ZNF532: variants seen among roughly 807,000 people sequenced by gnomAD.
The protein encoded by ZNF532 is zinc finger protein 532.
A neutral mutation model predicts 89.3 loss-of-function variants in ZNF532; 22 were observed. The ratio of observed to expected loss-of-function variants is 0.25; its 90% CI spans 0.18 to 0.35. The LOEUF is 0.35. ZNF532 is among the 10% of genes least tolerant of loss of function. ZNF532 has a pLI of 1.00. For synonymous variants in ZNF532, 606 were observed against 649.6 expected (o/e 0.93, Z 1.02); for missense variants, 1,132 against 1,643.4 (o/e 0.69, Z 5.38).
chr18:58,891,626 T>C (rs954146522), intron 2 of ZNF532, among the ~76,000 whole-genome samples: 1 of 152,228 alleles, frequency 6.6e-6, no homozygotes, highest in Non-Finnish European at 1.5e-5. Context: ...AAAAAGACTT[T>C]TTACTGTTAG....
At chr18:58,904,307 A>T (rs1602899927) in intron 2 of ZNF532, among the ~76,000 whole-genome samples, 2 of 152,058 alleles carry the variant, frequency 1.3e-5, no homozygotes, top group Admixed American at 1.3e-4. Context: ...AGCCGAGATC[A>T]CGCCACTGCA....
At chr18:58,928,110 G>GTT (rs1412244542) in intron 3 of ZNF532, among the ~76,000 whole-genome samples, 3 of 151,784 alleles carry the variant, frequency 2.0e-5, no homozygotes, top group African/African-American at 7.3e-5. Context: ...TTTGACCTCT[G>GTT]TTTATGTTTT....
chr18:58,921,236 A>G (rs184075300), intron 3 of ZNF532, among the ~76,000 whole-genome samples: 28 of 152,294 alleles, frequency 1.8e-4, no homozygotes, highest in Non-Finnish European at 3.5e-4. Context: ...ATGTATATTG[A>G]AAGTCTGAGA....
chr18:58,890,261 T>C (rs924532565), intron 2 of ZNF532, among the ~76,000 whole-genome samples: 2 of 151,488 alleles, frequency 1.3e-5, no homozygotes, highest in African/African-American at 4.8e-5. Context: ...TATATATATA[T>C]ACACACACAT....
rs1349315146 is a variant in ZNF532, at chr18:58,939,504, G to A, written c.2588G>A (p.Gly863Asp). Residue 863 changes from glycine (G) to aspartate (D), a missense_variant, in exon 5 of 10, where the codon GGT becomes GAT. Around this residue, in one of 9 missense-constraint regions of ZNF532, gnomAD observed 415 missense variants for 604.8 expected, o/e 0.69. Transcript: ENST00000591808. ...DVAALKSHIQ[G>D]SHCEVFYKCP... is the part of the protein sequence containing the mutation. Reference sequence around the variant, plus strand: ...GCTGCTCTGAAGTCTCACATTCAAGGTTCTCACTGTGAAGTCTTCTACAAG... The same window carrying A: ...GCTGCTCTGAAGTCTCACATTCAAGATTCTCACTGTGAAGTCTTCTACAAG... 1.2e-6 allele frequency: 2 copies of A among 1,613,916 alleles called. No individual in the cohort carries two copies. The highest frequency in any genetic ancestry group is 1.7e-6 in the Non-Finnish European group (2 of 1,179,996).
intron 6 of ZNF532, among the ~76,000 whole-genome samples, chr18:58,951,685 C>T (rs571928628): frequency 1.6e-3 from 171 of 104,358 alleles, no homozygotes; most frequent in Non-Finnish European, 2.5e-3. Flanking sequence ...AGTTTTGCTC[C>T]GTCGCCCAAG....
chr18:58,914,436 C>T (rs2060466690), intron 2 of ZNF532, among the ~76,000 whole-genome samples: 2 of 152,252 alleles, frequency 1.3e-5, no homozygotes, highest in African/African-American at 2.4e-5. Context: ...AATCCCAGCA[C>T]TCTGGGAGGC....
At position 58,888,756 on chromosome 18, in the gene ZNF532, A is replaced by ATATG. The variant is rs2058549150; in HGVS notation, c.-18+23177_-18+23178insTATG. Among the ~76,000 whole-genome samples the ATATG allele has an allele frequency of 2.0e-4, 7 of 35,398 alleles. 2 individuals are homozygous for ATATG. Among genetic ancestry groups the ATATG allele is most frequent in the Non-Finnish European group, 3.0e-4 (7 of 23,254 alleles). 23.2% of individuals were successfully genotyped at this position (35,398 alleles called of 152,430 possible). A position where few individuals can be genotyped will look rare whatever the true frequency, so the allele number is the denominator to read the frequency against. ...TATATATATATTTTATATATATATA[A>ATATG]AATTAATATATATAATTTATATATA... is the stretch of plus-strand genomic sequence containing the variant. On this transcript the variant is annotated intron_variant, in intron 2 of 9. Transcript: ENST00000591808.
In ZNF532 at chr18:58,979,187, G is replaced by C. The variant is rs368515025; in HGVS notation, c.3263+20G>C. 9.4e-6 allele frequency: 15 copies of C among 1,595,952 alleles called. No homozygotes were observed. The highest frequency in any genetic ancestry group is 3.4e-5 in the Admixed American group (2 of 59,614). ...CTGCTCGTAAGTCCTGGTTTCTAAC[G>C]GAACGCAGTGAGAGGACTCAGGAGG... On this transcript the variant is annotated intron_variant, in intron 8 of 9. Transcript: ENST00000591808.
At position 58,890,040 on chromosome 18, in the gene ZNF532, G is replaced by A. The variant is rs563688980; in HGVS notation, c.-18+24461G>A. ...GGAGGTTGTGGTAAGCCAAGATCGC[G>A]CCACTGCACTCCAGCCTAGGAGATG... On this transcript the variant is annotated intron_variant, in intron 2 of 9. Coordinates refer to ENST00000591808, the MANE Select transcript of ZNF532 (RefSeq NM_001375912.1). 9.8e-4 allele frequency among the ~76,000 whole-genome samples: 149 copies of A among 151,928 alleles called. 1 individual carries two copies. Among genetic ancestry groups the A allele is most frequent in the African/African-American group, 3.5e-3 (145 of 41,394 alleles).
chr18:58,923,657 T>A (rs1328217796), intron 3 of ZNF532, among the ~76,000 whole-genome samples: 1 of 152,182 alleles, frequency 6.6e-6, no homozygotes, highest in Admixed American at 6.5e-5. Context: ...TGTTTCATCC[T>A]TCTCGTTTGC....
chr18:58,905,574 A>AT (rs2059885633), intron 2 of ZNF532, among the ~76,000 whole-genome samples: 1 of 151,700 alleles, frequency 6.6e-6, no homozygotes, highest in African/African-American at 2.4e-5. Flanking sequence ...TAAATTTTGT[A>AT]TTTTTTGTAG....
At chr18:58,909,090 A>T (rs1043814583) in intron 2 of ZNF532, among the ~76,000 whole-genome samples, 2 of 152,022 alleles carry the variant, frequency 1.3e-5, no homozygotes, top group African/African-American at 2.4e-5. Flanking sequence ...AGTAGCTGGG[A>T]TTACAGGCAT....
intron 7 of ZNF532, among the ~76,000 whole-genome samples, chr18:58,968,188 G>A (rs1180641219): frequency 6.6e-6 from 1 of 152,208 alleles, no homozygotes; most frequent in African/African-American, 2.4e-5. Flanking sequence ...GGGCCCAGAA[G>A]GTAGAGGCTC....
In ZNF532 at chr18:58,918,444, G is replaced by C. The variant is rs202198394; in HGVS notation, c.157G>C (p.Ala53Pro). 109 of 1,614,124 alleles carry C rather than the reference G, an allele frequency of 6.8e-5. No homozygotes were observed. Among genetic ancestry groups the C allele is most frequent in the Admixed American group, 4.5e-4 (27 of 60,022 alleles). The change falls in exon 3 of 10, where the codon GCA (alanine) becomes CCA (proline). Residue 53 changes from alanine (A) to proline (P), a missense_variant. Around this residue, in one of 9 missense-constraint regions of ZNF532, gnomAD observed 302 missense variants for 319.8 expected, o/e 0.94. Transcript: ENST00000591808. ...QNAHGEDDSH[A>P]PSSSDVGVSV... The stretch of plus-strand genomic sequence containing the variant: ...TGCTCACGGAGAGGATGACTCCCAC[G>C]CACCATCATCTTCTGATGTGGGTGT...
intron 2 of ZNF532, among the ~76,000 whole-genome samples, chr18:58,884,421 C>T (rs955553902): frequency 3.9e-5 from 6 of 152,304 alleles, no homozygotes; most frequent in East Asian, 1.9e-4. Flanking sequence ...GAAGAAGCAG[C>T]GACTATTGCT....
chr18:58,898,708 C>A (rs922635583), intron 2 of ZNF532, among the ~76,000 whole-genome samples: 2 of 152,220 alleles, frequency 1.3e-5, no homozygotes, highest in Admixed American at 6.5e-5. Context: ...TTCCCTCACA[C>A]CTTGATTCTC....
rs987633862 is a variant in ZNF532, at chr18:58,867,644, G to A, written c.-18+2065G>A. ...GGAGCCCAGAGCCCAGCCCCTGGTC[G>A]GCAGTGCCTGTAGCAGGCTCTAAAG... On this transcript the variant is annotated intron_variant, in intron 2 of 9. Coordinates refer to ENST00000591808, the MANE Select transcript of ZNF532 (RefSeq NM_001375912.1). 1.2e-4 allele frequency among the ~76,000 whole-genome samples: 19 copies of A among 152,298 alleles called. 1 individual carries two copies. The highest frequency in any genetic ancestry group is 7.8e-4 in the Admixed American group (12 of 15,302).
chr18:58,950,800 T>C (rs1437641693), intron 6 of ZNF532, among the ~76,000 whole-genome samples: 1 of 152,214 alleles, frequency 6.6e-6, no homozygotes. Context: ...TGTTTCTTTA[T>C]TTAAAAATGA....
Sources: allele counts gnomAD v4.1 joint callset (sites outside exome capture counted in the v4.1 genomes callset), GRCh38; gene constraint gnomAD v4.1.1; regional missense constraint gnomAD v4.1.1; transcripts MANE v1.5; gene names NCBI Gene and HGNC (gene_info 2026-07-23, HGNC 2026-07-21).